Variants in PALLD observed in about 807,000 individuals in gnomAD.
PALLD encodes palladin.
PALLD carries 61 observed loss-of-function variants against 123.5 expected under a neutral mutation model. That is an observed-to-expected ratio of 0.49 (90% confidence interval 0.40 to 0.61). The LOEUF is 0.61. Among genes scored for constraint, PALLD ranks in the 20% least tolerant of loss-of-function variants. PALLD has a pLI of 0.00. For synonymous variants in PALLD, 465 were observed against 496.4 expected (o/e 0.94, Z 0.84); for missense variants, 1,273 against 1,377.0 (o/e 0.92, Z 1.20).
At chr4:168,738,865 G>T (rs879441809) in intron 10 of PALLD, among the ~76,000 whole-genome samples, 52 of 151,772 alleles carry the variant, frequency 3.4e-4, no homozygotes, top group Non-Finnish European at 6.5e-4. Context: ...AATGAGTACT[G>T]TATAATATTT....
At chr4:168,537,321 T>G (rs1765194884) in intron 2 of PALLD, among the ~76,000 whole-genome samples, 1 of 152,232 alleles carries the variant, frequency 6.6e-6, no homozygotes, top group African/African-American at 2.4e-5. Context: ...ACTCACTCAA[T>G]AACTAATAAC....
chr4:168,678,780 T>C (rs955191429), intron 3 of PALLD, among the ~76,000 whole-genome samples: 2 of 151,804 alleles, frequency 1.3e-5, no homozygotes, highest in Admixed American at 6.6e-5. Context: ...GGTATGTGTG[T>C]GTGTGTGTGT....
At chr4:168,898,107 TGCATCA>T in intron 13 of PALLD, 1 of 284,578 alleles carries the variant, frequency 3.5e-6, no homozygotes, top group African/African-American at 2.2e-5. Context: ...TGTACCACCC[TGCATCA>T]GCTTTTACCC....
intron 10 of PALLD, among the ~76,000 whole-genome samples, chr4:168,860,557 C>T (rs1749312084): frequency 6.6e-6 from 1 of 152,190 alleles, no homozygotes; most frequent in African/African-American, 2.4e-5. Flanking sequence ...GGCGCAGTGG[C>T]TACTGCCTGT....
chr4:168,870,277 A>G lies in PALLD; in HGVS notation c.1965-20645A>G, dbSNP rs193193904. On this transcript the variant is annotated intron_variant, in intron 10 of 21. Coordinates refer to ENST00000505667, the MANE Select transcript of PALLD (RefSeq NM_001166108.2). ...AGCCCCATAGAAACTATTTTGAGAC[A>G]CACAAAACCTAAAAGCTATTTTTGT... Among the ~76,000 whole-genome samples the G allele has an allele frequency of 8.7e-3, 1,327 of 152,332 alleles. 10 individuals carry two copies. The highest frequency in any genetic ancestry group is 0.015 in the Non-Finnish European group (1,032 of 68,012).
intron 2 of PALLD, among the ~76,000 whole-genome samples, chr4:168,661,212 C>T (rs140293458): frequency 6.6e-6 from 1 of 152,222 alleles, no homozygotes; most frequent in East Asian, 1.9e-4. Flanking sequence ...TGGTGCAATA[C>T]AGGTTTCTAT....
chr4:168,611,194 C>T (rs950111721), intron 2 of PALLD, among the ~76,000 whole-genome samples: 3 of 152,162 alleles, frequency 2.0e-5, no homozygotes, highest in African/African-American at 7.2e-5. Flanking sequence ...CAAGAGCCTG[C>T]GCCATACTCT....
intron 10 of PALLD, among the ~76,000 whole-genome samples, chr4:168,852,278 CTG>C (rs1337411664): frequency 6.6e-6 from 1 of 152,212 alleles, no homozygotes; most frequent in Non-Finnish European, 1.5e-5. Flanking sequence ...TTAGGCCACA[CTG>C]TACTTGCTGG....
intron 2 of PALLD, among the ~76,000 whole-genome samples, chr4:168,629,142 A>G (rs1181070710): frequency 1.3e-5 from 2 of 151,024 alleles, no homozygotes; most frequent in Non-Finnish European, 2.9e-5. Context: ...TCAGCCTCCC[A>G]AGTAGCTGGG....
At chr4:168,556,205 C>T (rs1399646082) in intron 2 of PALLD, among the ~76,000 whole-genome samples, 1 of 152,102 alleles carries the variant, frequency 6.6e-6, no homozygotes, top group African/African-American at 2.4e-5. Context: ...ACGCCATTCT[C>T]CTGCCTCGGC....
intron 13 of PALLD, 21 bp from the exon 14 acceptor site, chr4:168,898,472 C>T: frequency 6.5e-7 from 1 of 1,548,322 alleles, no homozygotes; most frequent in South Asian, 1.1e-5. Context: ...AGTCTGCTAA[C>T]TTAAACTTTC....
At chr4:168,606,566 C>G (rs927734433) in intron 2 of PALLD, among the ~76,000 whole-genome samples, 2 of 149,362 alleles carry the variant, frequency 1.3e-5, no homozygotes, top group African/African-American at 5.0e-5. Flanking sequence ...CCCAGCTACT[C>G]GGGAGGCTGA....
chr4:168,924,254 G>A lies in PALLD; in HGVS notation c.3059-1G>A. The stretch of plus-strand genomic sequence containing the variant: ...AGAGAATTCATCTCATGTTTTCTTA[G>A]CTAAAGAAGCACACAAACCCCCTGT... On this transcript the variant is annotated splice_acceptor_variant, in intron 18 of 21. Transcript: ENST00000505667. LOFTEE classifies it high-confidence loss of function. 1 of 1,613,378 alleles carries A rather than the reference G, an allele frequency of 6.2e-7. No homozygotes were observed. The highest frequency in any genetic ancestry group is 8.5e-7 in the Non-Finnish European group (1 of 1,179,434).
intron 2 of PALLD, among the ~76,000 whole-genome samples, chr4:168,619,560 G>A (rs1310949096): frequency 6.6e-6 from 1 of 152,192 alleles, no homozygotes; most frequent in Non-Finnish European, 1.5e-5. Context: ...GTGTGATTCA[G>A]GTTGGGCTGA....
intron 8 of PALLD, among the ~76,000 whole-genome samples, chr4:168,701,802 C>A (rs954050358): frequency 2.0e-5 from 3 of 152,144 alleles, no homozygotes; most frequent in Non-Finnish European, 4.4e-5. Context: ...AGTCCAGGGA[C>A]GTAAGCCCTG....
intron 10 of PALLD, among the ~76,000 whole-genome samples, chr4:168,855,540 C>T (rs1748485106): frequency 6.6e-6 from 1 of 152,194 alleles, no homozygotes; most frequent in Non-Finnish European, 1.5e-5. Flanking sequence ...CAGTGATACA[C>T]AAATTTTGTT....
chr4:168,796,464 T>C (rs1241001218), intron 10 of PALLD, among the ~76,000 whole-genome samples: 1 of 152,248 alleles, frequency 6.6e-6, no homozygotes, highest in African/African-American at 2.4e-5. Context: ...TGTCTCATCA[T>C]GCATTATTTG....
intron 2 of PALLD, among the ~76,000 whole-genome samples, chr4:168,596,216 G>A (rs982445435): frequency 1.3e-5 from 2 of 152,018 alleles, no homozygotes; most frequent in African/African-American, 4.8e-5. Flanking sequence ...AGAAGCCCAT[G>A]GTCTAATAGA....
chr4:168,709,543 GAA>G (rs1561429383), intron 9 of PALLD, among the ~76,000 whole-genome samples: 270 of 668 alleles, frequency 0.4, 15 homozygotes, highest in African/African-American at 0.46. Flanking sequence ...AGGAAGGAAG[GAA>G]GGAAGGAAGG....
Sources: allele counts gnomAD v4.1 joint callset (sites outside exome capture counted in the v4.1 genomes callset), GRCh38; gene constraint gnomAD v4.1.1; transcripts MANE v1.5; gene names NCBI Gene and HGNC (gene_info 2026-07-23, HGNC 2026-07-21).